Variants in NELL1 observed in about 807,000 individuals in gnomAD.
The protein encoded by NELL1 is neural EGFL like 1.
NELL1 carries 76 observed loss-of-function variants against 107.4 expected under a neutral mutation model. The observed-to-expected ratio is 0.71, with a 90% CI of 0.59 to 0.86. The LOEUF (loss-of-function observed/expected upper bound fraction) is 0.86. Ranked by LOEUF, NELL1 falls within the 40% of genes least tolerant of loss-of-function variation. NELL1 has a pLI of 0.00. For missense variants in NELL1, 1,024 were observed against 1,005.5 expected, an observed-to-expected ratio of 1.02 and a Z score of -0.25; for synonymous variants, 353 against 341.2, an observed-to-expected ratio of 1.03 and a Z score of -0.38.
chr11:21,189,918 T>C (rs931165938), intron 13 of NELL1, among the ~76,000 whole-genome samples: 3 of 151,888 alleles, frequency 2.0e-5, no homozygotes, highest in Non-Finnish European at 4.4e-5. Context: ...ACTGGAGCCC[T>C]AAGAATGGCT....
intron 2 of NELL1, among the ~76,000 whole-genome samples, chr11:20,704,769 A>T (rs1344675890): frequency 6.6e-6 from 1 of 152,208 alleles, no homozygotes; most frequent in African/African-American, 2.4e-5. Flanking sequence ...TACGAAGCTT[A>T]GTTTGGCTGG....
intron 15 of NELL1, among the ~76,000 whole-genome samples, chr11:21,499,641 C>A (rs1855084309): frequency 6.6e-6 from 1 of 152,092 alleles, no homozygotes; most frequent in South Asian, 2.1e-4. Flanking sequence ...GGAAGGCTCT[C>A]TGTATTGGTC....
intron 5 of NELL1, among the ~76,000 whole-genome samples, chr11:20,911,752 A>G (rs899589348): frequency 1.2e-4 from 19 of 152,200 alleles, no homozygotes; most frequent in African/African-American, 4.3e-4. Context: ...GGAATGGCTC[A>G]TTACAAAGAT....
At chr11:20,675,080 C>T (rs1854019499) in intron 1 of NELL1, among the ~76,000 whole-genome samples, 1 of 152,140 alleles carries the variant, frequency 6.6e-6, no homozygotes, top group African/African-American at 2.4e-5. Context: ...TCTAGGTCTC[C>T]TTGGACCAGT....
At chr11:21,173,757 GTGTGTGTC>G (rs994778567) in intron 13 of NELL1, among the ~76,000 whole-genome samples, 11 of 151,712 alleles carry the variant, frequency 7.3e-5, no homozygotes, top group South Asian at 4.2e-4. Context: ...GTATGTGTGT[GTGTGTGTC>G]TGTGTGTCTG....
chr11:20,923,973 GCTGT>G (rs1564969115), intron 7 of NELL1, among the ~76,000 whole-genome samples: 3 of 152,178 alleles, frequency 2.0e-5, no homozygotes, highest in African/African-American at 7.2e-5. Flanking sequence ...AAAGGCCTCT[GCTGT>G]CTATCTTTCA....
At position 21,488,378 on chromosome 11, in the gene NELL1, T is replaced by C. The variant is rs1188536547; in HGVS notation, c.1646-45996T>C. ...AGGCTTTTTGCTGAAGATGTAGATA[T>C]GTTGTTGGTGGGTGGGGCCTTCAGC... On this transcript the variant is annotated intron_variant, in intron 15 of 19. Transcript: ENST00000357134. Among the ~76,000 whole-genome samples the C allele has an allele frequency of 6.6e-5, 10 of 152,262 alleles. 3 individuals are homozygous for C. The highest frequency in any genetic ancestry group is 2.4e-4 in the African/African-American group (10 of 41,544).
At chr11:20,977,102 A>C (rs1217737383) in intron 12 of NELL1, among the ~76,000 whole-genome samples, 1 of 152,060 alleles carries the variant, frequency 6.6e-6, no homozygotes, top group Non-Finnish European at 1.5e-5. Flanking sequence ...TATTTGTATA[A>C]GGCATTTTAA....
chr11:21,496,415 T>G (rs954671885), intron 15 of NELL1, among the ~76,000 whole-genome samples: 6 of 150,288 alleles, frequency 4.0e-5, no homozygotes, highest in Non-Finnish European at 8.9e-5. Context: ...CTTGTTTTTT[T>G]TTTTTTTTTT....
At chr11:21,382,653 A>G (rs993709360) in intron 15 of NELL1, among the ~76,000 whole-genome samples, 7 of 151,880 alleles carry the variant, frequency 4.6e-5, no homozygotes, top group African/African-American at 1.4e-4. Flanking sequence ...TTGTCAGTCC[A>G]CCTTTCCATA....
intron 12 of NELL1, among the ~76,000 whole-genome samples, chr11:21,026,883 A>G (rs1852826376): frequency 6.6e-6 from 1 of 152,092 alleles, no homozygotes; most frequent in Non-Finnish European, 1.5e-5. Flanking sequence ...CTCACAAACA[A>G]TTACATTCTG....
chr11:20,762,997 C>G (rs4922623), intron 2 of NELL1, among the ~76,000 whole-genome samples: 2 of 151,708 alleles, frequency 1.3e-5, no homozygotes, highest in Non-Finnish European at 2.9e-5. Flanking sequence ...AAAAAAGATA[C>G]GCCAACCTTA....
chr11:21,399,427 T>G (rs1198650389), intron 15 of NELL1, among the ~76,000 whole-genome samples: 7 of 151,812 alleles, frequency 4.6e-5, no homozygotes, highest in Non-Finnish European at 1.0e-4. Context: ...GAATTGTTAT[T>G]TCAACATTAA....
intron 13 of NELL1, among the ~76,000 whole-genome samples, chr11:21,114,349 G>T (rs948870109): frequency 1.3e-5 from 2 of 151,852 alleles, no homozygotes; most frequent in East Asian, 3.9e-4. Context: ...GGATAAGGGT[G>T]GTAGAAGATT....
At chr11:20,950,170 A>G (rs1851042647) in intron 11 of NELL1, among the ~76,000 whole-genome samples, 1 of 152,188 alleles carries the variant, frequency 6.6e-6, no homozygotes, top group African/African-American at 2.4e-5. Context: ...AGAAACATCT[A>G]CTATCATAAC....
At chr11:21,172,786 A>ATATAATTCCT (rs1856633805) in intron 13 of NELL1, among the ~76,000 whole-genome samples, 1 of 151,788 alleles carries the variant, frequency 6.6e-6, no homozygotes, top group Admixed American at 6.6e-5. Flanking sequence ...TGTAACTCTT[A>ATATAATTCCT]TATAATTCCT....
rs77649557 is a variant in NELL1, at chr11:20,908,972, T to C, written c.604-9210T>C. On this transcript the variant is annotated intron_variant, in intron 5 of 19. Coordinates refer to ENST00000357134, the MANE Select transcript of NELL1 (RefSeq NM_006157.5). ...ATGGATAAAGAAAACTTGGTATATGTATCCAGTGGGATATTATTCATCCAT... is the reference window on the plus strand; with the variant it reads ...ATGGATAAAGAAAACTTGGTATATGCATCCAGTGGGATATTATTCATCCAT... Among the ~76,000 whole-genome samples the C allele has an allele frequency of 2.8e-3, 419 of 152,324 alleles. 17 individuals carry two copies. The East Asian group carries it at 0.07, about 26-fold the overall frequency.
chr11:20,929,709 C>T (rs1850576989), intron 9 of NELL1, among the ~76,000 whole-genome samples: 1 of 152,094 alleles, frequency 6.6e-6, no homozygotes, highest in Admixed American at 6.5e-5. Context: ...CAGTGGCTCA[C>T]GCTTCTAATC....
Position 21,249,619 on chromosome 11 carries a change from A to C in NELL1, c.1549+20165A>C, listed in dbSNP as rs577182711. 3.9e-5 allele frequency among the ~76,000 whole-genome samples: 6 copies of C among 152,322 alleles called. No individual in the cohort carries two copies. The East Asian group carries it at 1.2e-3, about 29-fold the overall frequency. The stretch of plus-strand genomic sequence containing the variant: ...AACTTAAAAGTGCAGCAATATACTT[A>C]GTTTCCTTTATCTACGAAATGGTGC... On this transcript the variant is annotated intron_variant, in intron 14 of 19. Transcript: ENST00000357134.
Sources: gnomAD v4.1 joint callset for allele counts (sites outside exome capture counted in the v4.1 genomes callset) on GRCh38, gnomAD v4.1.1 for gene constraint, MANE v1.5 for transcripts, NCBI Gene and HGNC (gene_info 2026-07-23, HGNC 2026-07-21) for gene names.